TPTE: variants seen among roughly 807,000 people sequenced by gnomAD.
The protein encoded by TPTE is putative tyrosine-protein phosphatase TPTE.
A neutral mutation model predicts 84.1 loss-of-function variants in TPTE; 59 were observed. The observed-to-expected ratio is 0.70, with a 90% CI of 0.57 to 0.87. TPTE has a LOEUF of 0.87. TPTE is among the 40% of genes least tolerant of loss of function. The probability of loss-of-function intolerance (pLI) is 0.00; values close to 1 mark genes in which losing one functional copy is unlikely to be tolerated. For synonymous variants in TPTE, 130 were observed against 223.5 expected (o/e 0.58, Z 3.73); for missense variants, 382 against 659.6 (o/e 0.58, Z 4.61).
At position 10,554,725 on chromosome 21, in the gene TPTE, A is replaced by G. The variant is rs565898433; in HGVS notation, c.233+2009A>G. 1.2e-4 allele frequency among the ~76,000 whole-genome samples: 18 copies of G among 152,416 alleles called. No homozygotes were observed. The South Asian group carries it at 1.9e-3, about 16-fold the overall frequency. On this transcript the variant is annotated intron_variant, in intron 8 of 23. Transcript: ENST00000618007. ...TTCTCAGAAAGTCCTTCTCACCCCA[A>G]GATTTTAAATATATTCACCAAAATT...
chr21:10,562,322 C>G (rs429794), intron 10 of TPTE, among the ~76,000 whole-genome samples: 1 of 152,308 alleles, frequency 6.6e-6, no homozygotes, highest in African/African-American at 2.4e-5. Context: ...AAACTACAAT[C>G]AATACCTAAC....
chr21:10,563,491 CAA>C (rs1359592584), intron 10 of TPTE, among the ~76,000 whole-genome samples: 1 of 152,266 alleles, frequency 6.6e-6, no homozygotes. Context: ...ATAGAAATAA[CAA>C]AAAGTTAAAA....
intron 23 of TPTE, among the ~76,000 whole-genome samples, chr21:10,604,056 A>C (rs947422306): frequency 2.1e-4 from 32 of 152,322 alleles, no homozygotes; most frequent in Non-Finnish European, 4.4e-4. Context: ...AGCTAGCTGA[A>C]AAGCTGACTG....
intron 14 of TPTE, chr21:10,576,168 T>C (rs1330782751): frequency 6.2e-6 from 1 of 162,220 alleles, no homozygotes; most frequent in African/African-American, 2.4e-5. Context: ...AGCAAAGACA[T>C]GGAATCAACC....
intron 1 of TPTE, among the ~76,000 whole-genome samples, 189 bp from the exon 2 acceptor site, chr21:10,524,391 T>C (rs2074042606): frequency 6.6e-6 from 1 of 152,308 alleles, no homozygotes; most frequent in Admixed American, 6.5e-5. Context: ...CTCACGGTAC[T>C]GGGGGACAAC....
chr21:10,600,826 C>T (rs1272367517), intron 21 of TPTE, among the ~76,000 whole-genome samples: 2 of 152,312 alleles, frequency 1.3e-5, no homozygotes, highest in Non-Finnish European at 2.9e-5. Context: ...TCATTCATTC[C>T]AAAACTTGAG....
At chr21:10,542,961 G>C (rs1431143146) in intron 6 of TPTE, among the ~76,000 whole-genome samples, 1 of 151,438 alleles carries the variant, frequency 6.6e-6, no homozygotes, top group Non-Finnish European at 1.5e-5. Context: ...AGTAATAAAA[G>C]CTAATTTTCC....
intron 17 of TPTE, among the ~76,000 whole-genome samples, chr21:10,583,204 A>T (rs1254648262): frequency 2.0e-4 from 31 of 152,346 alleles, no homozygotes; most frequent in African/African-American, 7.5e-4. Flanking sequence ...CTCCACTGGT[A>T]TTGTAGACTT....
chr21:10,556,491 C>T (rs1431011517), intron 8 of TPTE, among the ~76,000 whole-genome samples: 26 of 152,306 alleles, frequency 1.7e-4, no homozygotes, highest in Non-Finnish European at 8.8e-5. Context: ...TGAATAGTGC[C>T]GCAATAAACA....
At chr21:10,537,352 C>T (rs1600863444) in intron 3 of TPTE, among the ~76,000 whole-genome samples, 1 of 152,306 alleles carries the variant, frequency 6.6e-6, no homozygotes, top group South Asian at 2.1e-4. Context: ...AATCAGTACC[C>T]TGGAATGGAG....
At chr21:10,542,843 G>A (rs1261927359) in intron 6 of TPTE, among the ~76,000 whole-genome samples, 3 of 152,426 alleles carry the variant, frequency 2.0e-5, no homozygotes, top group African/African-American at 4.8e-5. Flanking sequence ...GGAGCAGGTC[G>A]TAGGAGATTT....
chr21:10,537,327 C>T (rs1568956385), intron 3 of TPTE, among the ~76,000 whole-genome samples: 2 of 152,308 alleles, frequency 1.3e-5, no homozygotes, highest in Admixed American at 1.3e-4. Context: ...TGTAGCACTG[C>T]CAAGTCTAAA....
chr21:10,550,725 A>T (rs1393608691), intron 7 of TPTE, among the ~76,000 whole-genome samples: 4 of 152,304 alleles, frequency 2.6e-5, no homozygotes, highest in Non-Finnish European at 4.4e-5. Flanking sequence ...CATCAGACTT[A>T]AACTCCACCA....
intron 7 of TPTE, among the ~76,000 whole-genome samples, chr21:10,547,367 C>T (rs546222759): frequency 6.6e-6 from 1 of 152,306 alleles, no homozygotes; most frequent in Non-Finnish European, 1.5e-5. Flanking sequence ...CTGTGCAGCC[C>T]CTTCTGCCCC....
chr21:10,534,423 A>G (rs1226390894), intron 3 of TPTE, among the ~76,000 whole-genome samples: 1 of 152,312 alleles, frequency 6.6e-6, no homozygotes, highest in African/African-American at 2.4e-5. Context: ...GTTGTTTCCA[A>G]ATGGCTAAAT....
chr21:10,559,032 A>C (rs1198880760), intron 8 of TPTE, among the ~76,000 whole-genome samples: 1 of 152,312 alleles, frequency 6.6e-6, no homozygotes. Context: ...TAGTTCGAGG[A>C]GATGACAAGA....
intron 23 of TPTE, among the ~76,000 whole-genome samples, chr21:10,604,060 CT>C (rs1406073477): frequency 6.6e-6 from 1 of 152,310 alleles, no homozygotes; most frequent in Non-Finnish European, 1.5e-5. Flanking sequence ...AGCTGAAAAG[CT>C]GACTGACACA....
At chr21:10,582,608 C>T (rs1197715461) in intron 17 of TPTE, among the ~76,000 whole-genome samples, 197 of 152,076 alleles carry the variant, frequency 1.3e-3, no homozygotes, top group African/African-American at 4.5e-3. Context: ...ATATTTTATA[C>T]TTTTTTATCA....
chr21:10,537,412 C>T (rs1187014244), intron 3 of TPTE, among the ~76,000 whole-genome samples: 1 of 152,312 alleles, frequency 6.6e-6, no homozygotes, highest in African/African-American at 2.4e-5. Context: ...GCCGTGGTGG[C>T]TCACGCCTGT....
Sources: gnomAD v4.1 joint callset for allele counts (sites outside exome capture counted in the v4.1 genomes callset) on GRCh38, gnomAD v4.1.1 for gene constraint, MANE v1.5 for transcripts, NCBI Gene and HGNC (gene_info 2026-07-23, HGNC 2026-07-21) for gene names.